Variants in HCRTR1 observed in about 807,000 individuals in gnomAD.
The protein encoded by HCRTR1 is hypocretin receptor 1, also known as orexin/Hypocretin receptor type 1.
HCRTR1 carries 28 observed loss-of-function variants against 40.6 expected under a neutral mutation model. That is an observed-to-expected ratio of 0.69 (90% CI 0.51 to 0.95). The LOEUF (loss-of-function observed/expected upper bound fraction) is 0.95, where lower values mean the gene tolerates loss of function less well. Among genes scored for constraint, HCRTR1 ranks in the 40% least tolerant of loss-of-function variants. HCRTR1 has a pLI of 0.00. For missense variants in HCRTR1, 482 were observed against 564.7 expected (o/e 0.85, Z 1.48); for synonymous variants, 209 against 230.0 (o/e 0.91, Z 0.83).
chr1:31,626,999 G>T lies in HCRTR1; in HGVS notation c.*19G>T. The T allele has an allele frequency of 6.3e-7, 1 of 1,599,018 alleles. No homozygotes were observed. Reference sequence around the variant, plus strand: ...GCCCTGAGCGAGGGCTGCCCTGGAGGCTCCGGCTCGGGGGATCTGCCCCTA... The same window carrying T: ...GCCCTGAGCGAGGGCTGCCCTGGAGTCTCCGGCTCGGGGGATCTGCCCCTA... On this transcript the variant is annotated 3_prime_UTR_variant, in exon 9 of 9. Coordinates refer to ENST00000403528, the MANE Select transcript of HCRTR1 (RefSeq NM_001525.3). The surrounding 1 kb of genome is among the most constrained non-coding windows in gnomAD (Gnocchi z 4.6).
At position 31,627,602 on chromosome 1, in the gene HCRTR1, C is replaced by G. The variant is rs907959532; in HGVS notation, c.*622C>G. The G allele has an allele frequency of 2.9e-6, 1 of 339,494 alleles. No homozygotes were observed. The highest frequency in any genetic ancestry group is 5.9e-6 in the Non-Finnish European group (1 of 170,830). The allele number at this position is 339,494 out of a possible 1,614,324, so 21.0% of individuals were successfully genotyped here. On this transcript the variant is annotated 3_prime_UTR_variant, in exon 9 of 9. Coordinates refer to ENST00000403528, the MANE Select transcript of HCRTR1 (RefSeq NM_001525.3). The stretch of plus-strand genomic sequence containing the variant: ...AGCCCGAAGCAACTGTAATTAAAAG[C>G]CTGGCACTGAATGTTCCCTTTCCTT...
chr1:31,619,070 C>A lies in HCRTR1; in HGVS notation c.-123C>A, dbSNP rs80175769. 0.013 allele frequency: 9,138 copies of A among 725,306 alleles called. 92 individuals are homozygous for A. Among genetic ancestry groups the A allele is most frequent in the East Asian group, 0.037 (1,383 of 37,118 alleles). 44.9% of individuals were successfully genotyped at this position (725,306 alleles called of 1,614,324 possible). A position where few individuals can be genotyped will look rare whatever the true frequency, so the allele number is the denominator to read the frequency against. ...CTTCAGGAAGTTTGAGGCTGAGACC[C>A]GAAAAGACCTGGGTGCAAGCCTCCA... is the stretch of plus-strand genomic sequence containing the variant. On this transcript the variant is annotated 5_prime_UTR_variant, in exon 3 of 9. Coordinates refer to ENST00000403528, the MANE Select transcript of HCRTR1 (RefSeq NM_001525.3).
Position 31,625,255 on chromosome 1 carries a change from G to GGGA in HCRTR1, c.1087+141_1087+143dup. ...GCTGTGGGCACAGTGATCCTGCTCT[G>GGGA]GGAGGACCCACCCCAAGCGGCCCTG... is the stretch of plus-strand genomic sequence containing the variant. On this transcript the variant is annotated intron_variant, in intron 8 of 8. Transcript: ENST00000403528. The surrounding 1 kb of genome is among the most constrained non-coding windows in gnomAD (Gnocchi z 4.2). 3 of 1,114,282 alleles carry GGGA rather than the reference G, an allele frequency of 2.7e-6. No homozygotes were observed. Among genetic ancestry groups the GGGA allele is most frequent in the Non-Finnish European group, 3.7e-6 (3 of 814,640 alleles). The allele number at this position is 1,114,282 out of a possible 1,614,324, so 69.0% of individuals were successfully genotyped here. A position where few individuals can be genotyped will look rare whatever the true frequency, so the allele number is the denominator to read the frequency against.
In HCRTR1 at chr1:31,626,058, G is replaced by C. The variant is rs2148612121; in HGVS notation, c.1088-732G>C. Among the ~76,000 whole-genome samples the C allele has an allele frequency of 6.6e-6, 1 of 152,320 alleles. No homozygotes were observed. Among genetic ancestry groups the C allele is most frequent in the East Asian group, 1.9e-4 (1 of 5,188 alleles). ...CCTTTGTTTGGCCTATGTTTACTGA[G>C]CACCTACTATGTGCTTGACCCTGTG... is the stretch of plus-strand genomic sequence containing the variant. On this transcript the variant is annotated intron_variant, in intron 8 of 8. Transcript: ENST00000403528. This position sits in a 1 kb window ranked among gnomAD's most constrained non-coding sequence, Gnocchi z 4.6.
chr1:31,619,364 G>A lies in HCRTR1; in HGVS notation c.172G>A (p.Val58Ile), dbSNP rs748408361. 25 of 1,614,088 alleles carry A rather than the reference G, an allele frequency of 1.5e-5. No individual in the cohort carries two copies. Among genetic ancestry groups the A allele is most frequent in the Middle Eastern group, 1.6e-4 (1 of 6,084 alleles). ...VLIAAYVAVF[V>I]VALVGNTLVC... ...CATCGCAGCCTATGTGGCTGTGTTC[G>A]TCGTGGCCCTGGTGGGCAACACGCT... Residue 58 changes from valine to isoleucine, a missense_variant, in exon 3 of 9, where the codon GTC becomes ATC. Transcript: ENST00000403528.
In HCRTR1 at chr1:31,625,695, C is replaced by T. The variant is rs1212562101; in HGVS notation, c.1087+577C>T. Reference sequence around the variant, plus strand: ...CCCACTCCCACTCCAGGCCTCTCCTCTCTGCTGTCCCACAGTGCCCACCCC... The same window carrying T: ...CCCACTCCCACTCCAGGCCTCTCCTTTCTGCTGTCCCACAGTGCCCACCCC... On this transcript the variant is annotated intron_variant, in intron 8 of 8. Coordinates refer to ENST00000403528, the MANE Select transcript of HCRTR1 (RefSeq NM_001525.3). This position sits in a 1 kb window ranked among gnomAD's most constrained non-coding sequence, Gnocchi z 4.2. Among the ~76,000 whole-genome samples the T allele has an allele frequency of 6.6e-6, 1 of 152,196 alleles. No homozygotes were observed. Among genetic ancestry groups the T allele is most frequent in the Non-Finnish European group, 1.5e-5 (1 of 68,036 alleles).
In HCRTR1 at chr1:31,625,146, T is replaced by G; in HGVS notation, c.1087+28T>G. On this transcript the variant is annotated intron_variant, in intron 8 of 8. Coordinates refer to ENST00000403528, the MANE Select transcript of HCRTR1 (RefSeq NM_001525.3). The surrounding 1 kb of genome is among the most constrained non-coding windows in gnomAD (Gnocchi z 4.2). ...GAGCAGGCTGGGGATGCAAAATGAC[T>G]GAGGGTGGCCAACAGTCCACATGAC... The G allele has an allele frequency of 1.3e-6, 2 of 1,575,810 alleles. No homozygotes were observed. The highest frequency in any genetic ancestry group is 1.7e-6 in the Non-Finnish European group (2 of 1,156,524).
chr1:31,632,704 G>A, downstream of HCRTR1: 2 of 1,552,216 alleles, frequency 1.3e-6, no homozygotes, highest in Non-Finnish European at 8.8e-7. Context: ...TCCCCCTCAG[G>A]ACCCATTGAG....
Position 31,627,531 on chromosome 1 carries a change from T to C in HCRTR1, c.*551T>C. On this transcript the variant is annotated 3_prime_UTR_variant, in exon 9 of 9. Transcript: ENST00000403528. ...CACAGACCCGACCTTGTTGGCTTTG[T>C]GGTGTGATAAAACACTCTCCATGGC... 1 of 400,160 alleles carries C rather than the reference T, an allele frequency of 2.5e-6. No homozygotes were observed. Among genetic ancestry groups the C allele is most frequent in the East Asian group, 7.2e-5 (1 of 13,846 alleles). The allele number at this position is 400,160 out of a possible 1,614,324, so 24.8% of individuals were successfully genotyped here.
intron 7 of HCRTR1, 58 bp downstream of exon 7, chr1:31,623,807 T>G: frequency 2.2e-5 from 29 of 1,341,662 alleles, no homozygotes; most frequent in Middle Eastern, 1.8e-4. Context: ...GAAGGAGCTC[T>G]CCTTGCTTGG....
Position 31,627,448 on chromosome 1 carries a change from C to T in HCRTR1, c.*468C>T. On this transcript the variant is annotated 3_prime_UTR_variant, in exon 9 of 9. Transcript: ENST00000403528. ...CTGTGTGAACTAATCTGGGCCCAGCCTTTCTCCAGCGGGCCACGAGCACAG... is the reference window on the plus strand; with the variant it reads ...CTGTGTGAACTAATCTGGGCCCAGCTTTTCTCCAGCGGGCCACGAGCACAG... The T allele has an allele frequency of 1.0e-6, 1 of 1,002,922 alleles. No individual in the cohort carries two copies. Among genetic ancestry groups the T allele is most frequent in the South Asian group, 1.3e-5 (1 of 75,086 alleles). The allele number at this position is 1,002,922 out of a possible 1,614,324, so 62.1% of individuals were successfully genotyped here. A position where few individuals can be genotyped will look rare whatever the true frequency, so the allele number is the denominator to read the frequency against.
downstream of HCRTR1, chr1:31,633,190 T>G: frequency 1.2e-6 from 2 of 1,614,068 alleles, no homozygotes; most frequent in Non-Finnish European, 1.7e-6. Flanking sequence ...CATCATTGAA[T>G]GAAGACCAAT....
In HCRTR1 at chr1:31,625,197, C is replaced by G; in HGVS notation, c.1087+79C>G. ...AAGTCTCCCCATCCCCAAGCCAGGG[C>G]CCAAATAAAGGATGGTGGGTGAGGA... On this transcript the variant is annotated intron_variant, in intron 8 of 8. Coordinates refer to ENST00000403528, the MANE Select transcript of HCRTR1 (RefSeq NM_001525.3). The surrounding 1 kb of genome is among the most constrained non-coding windows in gnomAD (Gnocchi z 4.2). The G allele has an allele frequency of 7.0e-7, 1 of 1,432,494 alleles. No homozygotes were observed. 88.7% of individuals were successfully genotyped at this position (1,432,494 alleles called of 1,614,324 possible). A position where few individuals can be genotyped will look rare whatever the true frequency, so the allele number is the denominator to read the frequency against.
chr1:31,629,274 A>G (rs1171618434), downstream of HCRTR1, among the ~76,000 whole-genome samples: 2 of 152,248 alleles, frequency 1.3e-5, no homozygotes, highest in Admixed American at 6.5e-5. Context: ...TACCCACTGC[A>G]GGGAGGAGAG....
intron 4 of HCRTR1, among the ~76,000 whole-genome samples, chr1:31,620,358 C>T (rs1639825566): frequency 6.6e-6 from 1 of 152,184 alleles, no homozygotes; most frequent in African/African-American, 2.4e-5. Context: ...GAGATAAATG[C>T]CTCTTGGATT....
chr1:31,619,413 C>T, intron 3 of HCRTR1, 22 bp downstream of exon 3: 1 of 1,613,624 alleles, frequency 6.2e-7, no homozygotes, highest in Non-Finnish European at 8.5e-7. Flanking sequence ...GCTTGCCCGG[C>T]AGTGCTGCCG....
chr1:31,622,477 G>A (rs539274829), intron 6 of HCRTR1, among the ~76,000 whole-genome samples: 4 of 152,052 alleles, frequency 2.6e-5, no homozygotes, highest in Non-Finnish European at 5.9e-5. Context: ...CTTCCTGACT[G>A]GCCAGCCCTG....
downstream of HCRTR1, chr1:31,633,007 G>C: frequency 1.1e-6 from 1 of 904,168 alleles, no homozygotes; most frequent in South Asian, 1.8e-5. Flanking sequence ...TCTCAGTCTA[G>C]GGGATCTCAC....
intron 7 of HCRTR1, among the ~76,000 whole-genome samples, chr1:31,624,556 G>A (rs972408123): frequency 1.3e-5 from 2 of 151,752 alleles, no homozygotes; most frequent in African/African-American, 2.4e-5. Flanking sequence ...GACAGCCAAA[G>A]AGGGTCGCAG....
Sources: allele counts gnomAD v4.1 joint callset (sites outside exome capture counted in the v4.1 genomes callset), GRCh38; gene constraint gnomAD v4.1.1; non-coding constraint Gnocchi (gnomAD v3.1); transcripts MANE v1.5; gene names NCBI Gene and HGNC (gene_info 2026-07-23, HGNC 2026-07-21).